CPEB3: variants seen among roughly 807,000 people sequenced by gnomAD.
CPEB3 encodes the protein cytoplasmic polyadenylation element-binding protein 3.
CPEB3 carries 20 observed loss-of-function variants against 67.2 expected under a neutral mutation model. That is an observed-to-expected ratio of 0.30 (90% confidence interval 0.21 to 0.43). CPEB3 has a LOEUF of 0.43. CPEB3 is among the 20% of genes least tolerant of loss of function. The pLI, the probability that CPEB3 is intolerant of heterozygous loss-of-function variation, is 1.00. For synonymous variants in CPEB3, 376 were observed against 393.1 expected (o/e 0.96, Z 0.51); for missense variants, 746 against 968.6 (o/e 0.77, Z 3.05).
chr10:92,125,437 T>C (rs1018682670), intron 6 of CPEB3, among the ~76,000 whole-genome samples: 9 of 152,220 alleles, frequency 5.9e-5, no homozygotes, highest in Non-Finnish European at 1.2e-4. Flanking sequence ...AGCACAGCTG[T>C]GCTCATTGCA....
chr10:92,098,685 A>G (rs1420620876), intron 7 of CPEB3, among the ~76,000 whole-genome samples: 8 of 152,124 alleles, frequency 5.3e-5, no homozygotes, highest in African/African-American at 2.4e-5. Context: ...GAAACATTAG[A>G]TAGCTGTTCA....
chr10:92,186,345 G>A (rs1564846722), intron 3 of CPEB3, among the ~76,000 whole-genome samples: 1 of 151,800 alleles, frequency 6.6e-6, no homozygotes, highest in Non-Finnish European at 1.5e-5. Context: ...AGCTGAGATC[G>A]CACCACTGCA....
intron 2 of CPEB3, among the ~76,000 whole-genome samples, chr10:92,226,131 G>GT (rs1564885221): frequency 6.6e-6 from 1 of 152,146 alleles, no homozygotes; most frequent in Non-Finnish European, 1.5e-5. Flanking sequence ...GGCAACTGGG[G>GT]TTTTTTATCT....
At chr10:92,237,484 C>G (rs1184169894) in intron 2 of CPEB3, among the ~76,000 whole-genome samples, 1 of 152,166 alleles carries the variant, frequency 6.6e-6, no homozygotes, top group Non-Finnish European at 1.5e-5. Context: ...CTATACTCCT[C>G]GTCAATATCA....
chr10:92,191,446 T>G (rs1000622971), intron 3 of CPEB3, among the ~76,000 whole-genome samples: 1 of 152,120 alleles, frequency 6.6e-6, no homozygotes, highest in Non-Finnish European at 1.5e-5. Context: ...CAAAAACCCC[T>G]TCTTTTCTTT....
chr10:92,141,310 G>A (rs2133817002), intron 6 of CPEB3, among the ~76,000 whole-genome samples: 1 of 151,920 alleles, frequency 6.6e-6, no homozygotes, highest in East Asian at 1.9e-4. Context: ...CATAAAAAAG[G>A]ATGAGTTCAT....
intron 3 of CPEB3, among the ~76,000 whole-genome samples, chr10:92,184,108 C>G (rs888720951): frequency 2.6e-5 from 4 of 152,168 alleles, no homozygotes; most frequent in Non-Finnish European, 1.5e-5. Context: ...AATTATTATT[C>G]TCTATCGTAC....
At chr10:92,165,774 T>G (rs1014825532) in intron 4 of CPEB3, among the ~76,000 whole-genome samples, 7 of 152,220 alleles carry the variant, frequency 4.6e-5, no homozygotes, top group African/African-American at 1.7e-4. Flanking sequence ...TGCTTGTACA[T>G]AAGAAGCAAT....
chr10:92,130,364 A>G (rs184950471), intron 6 of CPEB3, among the ~76,000 whole-genome samples: 4 of 152,074 alleles, frequency 2.6e-5, no homozygotes, highest in Non-Finnish European at 1.5e-5. Context: ...CCATAGGACT[A>G]TAAGTTTGTG....
In CPEB3 at chr10:92,210,950, C is replaced by T. The variant is rs536016630; in HGVS notation, c.1006-18314G>A. 3.3e-5 allele frequency among the ~76,000 whole-genome samples: 5 copies of T among 152,136 alleles called. No individual in the cohort carries two copies. The South Asian group carries it at 6.2e-4, about 19-fold the overall frequency. Reference sequence around the variant, plus strand: ...ACTCAGGAGGCTGAGGCAGGAGAATCGCTTGAGCCTGGTACATATATAAAT... The same window carrying T: ...ACTCAGGAGGCTGAGGCAGGAGAATTGCTTGAGCCTGGTACATATATAAAT... On this transcript the variant is annotated intron_variant, in intron 2 of 9. Transcript: ENST00000265997.
intron 9 of CPEB3, among the ~76,000 whole-genome samples, chr10:92,054,811 A>G (rs565226300): frequency 4.6e-5 from 7 of 152,340 alleles, no homozygotes; most frequent in Admixed American, 1.3e-4. Flanking sequence ...CTTTGACCCA[A>G]GAATCCCACA....
chr10:92,171,309 T>C (rs759323564), intron 4 of CPEB3, among the ~76,000 whole-genome samples: 14 of 152,182 alleles, frequency 9.2e-5, no homozygotes, highest in Admixed American at 2.6e-4. Flanking sequence ...AGACCAAGTC[T>C]TGAGGGAAAA....
rs563708088 is a variant in CPEB3, at chr10:92,265,935, C to T, written c.-12+24991G>A. Reference sequence around the variant, plus strand: ...AACTAGATTATGTGGGCTCTGCCCTCATGAATGGATTAATCCACTCATGGA... The same window carrying T: ...AACTAGATTATGTGGGCTCTGCCCTTATGAATGGATTAATCCACTCATGGA... On this transcript the variant is annotated intron_variant, in intron 1 of 9. Coordinates refer to ENST00000265997, the MANE Select transcript of CPEB3 (RefSeq NM_014912.5). Among the ~76,000 whole-genome samples the T allele has an allele frequency of 1.1e-4, 16 of 151,818 alleles. No individual in the cohort carries two copies. The East Asian group carries it at 2.9e-3, about 28-fold the overall frequency.
rs139307239 is a variant in CPEB3 at position 92,269,202 on chromosome 10, T to A, written c.-12+21724A>T. ...AAAAAGGCTTCAAGATATCAACAGC[T>A]AAAATTCCCAGCAGCTAAGGGATCA... On this transcript the variant is annotated intron_variant, in intron 1 of 9. Coordinates refer to ENST00000265997, the MANE Select transcript of CPEB3 (RefSeq NM_014912.5). Among the ~76,000 whole-genome samples the A allele has an allele frequency of 2.5e-3, 377 of 151,522 alleles. 1 individual carries two copies. The highest frequency in any genetic ancestry group is 5.8e-3 in the South Asian group (28 of 4,812).
intron 4 of CPEB3, among the ~76,000 whole-genome samples, chr10:92,153,675 G>C (rs1051307644): frequency 6.6e-6 from 1 of 152,190 alleles, no homozygotes; most frequent in African/African-American, 2.4e-5. Context: ...CAGCTACTTG[G>C]GGGGCTGAGG....
chr10:92,278,821 G>A (rs1222968156), intron 1 of CPEB3, among the ~76,000 whole-genome samples: 2 of 151,432 alleles, frequency 1.3e-5, no homozygotes, highest in Non-Finnish European at 2.9e-5. Context: ...GGATGGTCTC[G>A]ATCTCCTGAC....
At chr10:92,186,766 T>C (rs1383122532) in intron 3 of CPEB3, among the ~76,000 whole-genome samples, 1 of 152,146 alleles carries the variant, frequency 6.6e-6, no homozygotes, top group Non-Finnish European at 1.5e-5. Context: ...AATGCTATGC[T>C]TAAAGGATGA....
intron 6 of CPEB3, among the ~76,000 whole-genome samples, chr10:92,141,978 ACTGCACTCCAGC>A (rs1379662705): frequency 1.6e-4 from 24 of 150,656 alleles, no homozygotes; most frequent in Admixed American, 1.2e-3. Flanking sequence ...AGATCACGCC[ACTGCACTCCAGC>A]CTGGGCGACA....
At chr10:92,072,715 G>C (rs1246070173) in intron 9 of CPEB3, among the ~76,000 whole-genome samples, 1 of 152,172 alleles carries the variant, frequency 6.6e-6, no homozygotes, top group Non-Finnish European at 1.5e-5. Flanking sequence ...TGGTTCTCTA[G>C]GAGGTGGGGA....
Sources: allele counts gnomAD v4.1 joint callset (sites outside exome capture counted in the v4.1 genomes callset), GRCh38; gene constraint gnomAD v4.1.1; transcripts MANE v1.5; gene names NCBI Gene and HGNC (gene_info 2026-07-23, HGNC 2026-07-21).